The following SRGAP1 variants were observed in gnomAD, a reference collection of about 807,000 sequenced individuals.
SRGAP1 encodes SLIT-ROBO Rho GTPase activating protein 1.
In SRGAP1, 43 loss-of-function variants were observed where a neutral mutation model predicts 121.9. The observed-to-expected ratio is 0.35, with a 90% confidence interval of 0.28 to 0.46. The LOEUF (loss-of-function observed/expected upper bound fraction) is 0.46, where lower values mean the gene tolerates loss of function less well. SRGAP1 is among the 20% of genes least tolerant of loss of function. The probability of loss-of-function intolerance (pLI) is 1.00; values close to 1 mark genes in which losing one functional copy is unlikely to be tolerated. For missense variants in SRGAP1, 1,102 were observed against 1,350.9 expected, an observed-to-expected ratio of 0.82 and a Z score of 2.89; for synonymous variants, 447 against 485.4, an observed-to-expected ratio of 0.92 and a Z score of 1.04.
chr12:63,986,402 A>G (rs1261477297), intron 2 of SRGAP1, among the ~76,000 whole-genome samples: 2 of 152,110 alleles, frequency 1.3e-5, no homozygotes, highest in African/African-American at 4.8e-5. Context: ...GTAATTAAGA[A>G]GACAGCCCAT....
At chr12:64,053,752 AT>A (rs1463161293) in intron 6 of SRGAP1, among the ~76,000 whole-genome samples, 29 of 152,298 alleles carry the variant, frequency 1.9e-4, no homozygotes, top group African/African-American at 6.7e-4. Context: ...ATTATCCCCA[AT>A]ATTAAGTGCA....
Position 63,907,983 on chromosome 12 carries a change from G to A in SRGAP1, c.67+63100G>A, listed in dbSNP as rs1052444649. ...TATTCTTTTTTCATTGAATTATCGT[G>A]CTATCCCTGTTGAAAATCAGTTAAC... On this transcript the variant is annotated intron_variant, in intron 1 of 21. Coordinates refer to ENST00000355086, the MANE Select transcript of SRGAP1 (RefSeq NM_020762.4). Among the ~76,000 whole-genome samples the A allele has an allele frequency of 2.6e-5, 4 of 152,022 alleles. No homozygotes were observed. The South Asian group carries it at 6.2e-4, about 24-fold the overall frequency.
intron 1 of SRGAP1, among the ~76,000 whole-genome samples, chr12:63,915,061 A>G (rs146475654): frequency 0.016 from 2,469 of 152,342 alleles, 32 homozygotes; most frequent in Non-Finnish European, 0.026. Context: ...AACCTCCATC[A>G]TGAAATAATT....
rs1392367457 is a variant in SRGAP1 at position 64,146,194 on chromosome 12, C to T, written c.*3522C>T. On this transcript the variant is annotated 3_prime_UTR_variant, in exon 22 of 22. Coordinates refer to ENST00000355086, the MANE Select transcript of SRGAP1 (RefSeq NM_020762.4). Reference sequence around the variant, plus strand: ...CACGTTCAGTGTCAACACCATTCAACAGCTTTGCACATCTTCGTACAACAT... The same window carrying T: ...CACGTTCAGTGTCAACACCATTCAATAGCTTTGCACATCTTCGTACAACAT... 1 of 152,202 alleles carries T rather than the reference C, an allele frequency of 6.6e-6. No individual in the cohort carries two copies. The highest frequency in any genetic ancestry group is 1.9e-4 in the East Asian group (1 of 5,198). The allele number at this position is 152,202 out of a possible 1,614,324, so 9.4% of individuals were successfully genotyped here. A position where few individuals can be genotyped will look rare whatever the true frequency, so the allele number is the denominator to read the frequency against.
chr12:64,106,641 A>G (rs1005800877), intron 15 of SRGAP1, among the ~76,000 whole-genome samples: 1 of 152,186 alleles, frequency 6.6e-6, no homozygotes, highest in African/African-American at 2.4e-5. Flanking sequence ...AACTGGGTGG[A>G]AATGTTGATA....
intron 15 of SRGAP1, among the ~76,000 whole-genome samples, chr12:64,101,350 T>A (rs573636950): frequency 7.3e-5 from 11 of 150,194 alleles, no homozygotes; most frequent in Non-Finnish European, 1.2e-4. Flanking sequence ...TGTGTGTGTG[T>A]GATGAGTAGT....
chr12:64,100,032 T>C (rs2036228636), intron 15 of SRGAP1, among the ~76,000 whole-genome samples: 3 of 152,208 alleles, frequency 2.0e-5, no homozygotes, highest in Admixed American at 2.0e-4. Context: ...TAGCTGTTTC[T>C]TCACCTACTT....
rs79872597 is a variant in SRGAP1 at position 63,963,243 on chromosome 12, G to A, written c.68-20704G>A. On this transcript the variant is annotated intron_variant, in intron 1 of 21. Coordinates refer to ENST00000355086, the MANE Select transcript of SRGAP1 (RefSeq NM_020762.4). ...AGATTAATGAGCTTCTTTTAAATAT[G>A]AGTGTTACTACTTTAAAATTGTATC... 6.0e-3 allele frequency among the ~76,000 whole-genome samples: 914 copies of A among 152,218 alleles called. 7 individuals are homozygous for A. The highest frequency in any genetic ancestry group is 0.021 in the African/African-American group (877 of 41,530).
chr12:64,127,906 C>T lies in SRGAP1; in HGVS notation c.2586C>T (p.Gly862=). ...CACCCCCTCCAGTAAGGCGTCCTGG[C>T]AGGACCAGTGATGGCCATTGCCCGC... ...GEPPPPVRRP[G]RTSDGHCPLH... Residue 862 remains glycine (G), a synonymous_variant, in exon 21 of 22, where the codon GGC becomes GGT. Coordinates refer to ENST00000355086, the MANE Select transcript of SRGAP1 (RefSeq NM_020762.4). 6.2e-7 allele frequency: 1 copy of T among 1,614,086 alleles called. No individual in the cohort carries two copies. Among genetic ancestry groups the T allele is most frequent in the Non-Finnish European group, 8.5e-7 (1 of 1,179,958 alleles).
intron 12 of SRGAP1, among the ~76,000 whole-genome samples, chr12:64,094,253 G>A (rs182726963): frequency 1.8e-4 from 27 of 152,094 alleles, no homozygotes; most frequent in Non-Finnish European, 3.4e-4. Context: ...ACACTGCCAC[G>A]GTTTACATTT....
chr12:64,152,077 G>A lies in SRGAP1; in HGVS notation c.*9405G>A, dbSNP rs2136665291. ...AAATCATCTTTCTCAAAAACAAAAT[G>A]AGAAACCTAACAAACAATCATTGAA... On this transcript the variant is annotated 3_prime_UTR_variant, in exon 22 of 22. Transcript: ENST00000355086. 1 of 152,198 alleles carries A rather than the reference G, an allele frequency of 6.6e-6. No homozygotes were observed. The highest frequency in any genetic ancestry group is 2.1e-4 in the South Asian group (1 of 4,824). The allele number at this position is 152,198 out of a possible 1,614,324, so 9.4% of individuals were successfully genotyped here. A position where few individuals can be genotyped will look rare whatever the true frequency, so the allele number is the denominator to read the frequency against.
chr12:64,063,506 G>C (rs549594125), intron 7 of SRGAP1, among the ~76,000 whole-genome samples: 250 of 152,158 alleles, frequency 1.6e-3, no homozygotes, highest in Non-Finnish European at 1.3e-3. Context: ...ATAAAGAAAA[G>C]TAATTGTATG....
chr12:63,958,780 A>AC (rs1291295155), intron 1 of SRGAP1, among the ~76,000 whole-genome samples: 2 of 152,178 alleles, frequency 1.3e-5, no homozygotes, highest in African/African-American at 2.4e-5. Flanking sequence ...ACCACACCTT[A>AC]CTATAAGCCT....
chr12:64,007,393 T>C (rs1344071494), intron 3 of SRGAP1, among the ~76,000 whole-genome samples: 2 of 152,136 alleles, frequency 1.3e-5, no homozygotes, highest in Non-Finnish European at 2.9e-5. Flanking sequence ...CAGTAGGGTT[T>C]GTGCTCCTAT....
At chr12:64,034,158 G>A (rs969375982) in intron 4 of SRGAP1, among the ~76,000 whole-genome samples, 3 of 152,118 alleles carry the variant, frequency 2.0e-5, no homozygotes, top group African/African-American at 7.3e-5. Context: ...CTGGTGGGAG[G>A]TGATTGGATC....
chr12:64,031,804 G>T (rs762937443), intron 4 of SRGAP1, among the ~76,000 whole-genome samples: 9 of 152,082 alleles, frequency 5.9e-5, no homozygotes, highest in Non-Finnish European at 1.0e-4. Context: ...TTTTCAAAGT[G>T]CCTGAGGTAT....
chr12:63,877,125 T>C (rs1190552220), intron 1 of SRGAP1, among the ~76,000 whole-genome samples: 1 of 152,152 alleles, frequency 6.6e-6, no homozygotes, highest in Non-Finnish European at 1.5e-5. Flanking sequence ...CTTGGGAGAC[T>C]GAAGCAGCAG....
chr12:63,899,461 C>T (rs1315858784), intron 1 of SRGAP1, among the ~76,000 whole-genome samples: 1 of 152,194 alleles, frequency 6.6e-6, no homozygotes, highest in Non-Finnish European at 1.5e-5. Flanking sequence ...GAACAATTCA[C>T]CAGTCGTGCA....
intron 1 of SRGAP1, chr12:63,888,694 G>C (rs543568526): frequency 6.6e-6 from 1 of 152,186 alleles, no homozygotes; most frequent in African/African-American, 2.4e-5. Context: ...TAAGGGAATT[G>C]TTAACACACC....
Sources: gnomAD v4.1 joint callset for allele counts (sites outside exome capture counted in the v4.1 genomes callset) on GRCh38, gnomAD v4.1.1 for gene constraint, MANE v1.5 for transcripts, NCBI Gene and HGNC (gene_info 2026-07-23, HGNC 2026-07-21) for gene names.